Variants in GDAP1 observed in about 807,000 individuals in gnomAD.
The protein encoded by GDAP1 is ganglioside induced differentiation associated protein 1.
A neutral mutation model predicts 40.1 loss-of-function variants in GDAP1; 34 were observed. That is an observed-to-expected ratio of 0.85 (90% CI 0.64 to 1.13). The LOEUF (loss-of-function observed/expected upper bound fraction) is 1.13. GDAP1 is among the 50% of genes most tolerant of loss of function. The probability of loss-of-function intolerance (pLI) is 0.00; values close to 1 mark genes in which losing one functional copy is unlikely to be tolerated. For missense variants in GDAP1, 374 were observed against 433.7 expected, an observed-to-expected ratio of 0.86 and a Z score of 1.22; for synonymous variants, 170 against 157.4, an observed-to-expected ratio of 1.08 and a Z score of -0.60.
chr8:74,411,046 C>T (rs1052286670), intron 2 of GDAP1, among the ~76,000 whole-genome samples: 2 of 149,682 alleles, frequency 1.3e-5, no homozygotes, highest in South Asian at 2.1e-4. Context: ...CTTATGAGAT[C>T]TGATGGTTTT....
At chr8:74,456,774 T>C (rs1460072958) in intron 2 of GDAP1, among the ~76,000 whole-genome samples, 6 of 152,032 alleles carry the variant, frequency 3.9e-5, no homozygotes, top group African/African-American at 1.4e-4. Flanking sequence ...GCAGTCTTTT[T>C]TGTGCCACAG....
intron 2 of GDAP1, among the ~76,000 whole-genome samples, chr8:74,412,759 A>G (rs1357539599): frequency 1.3e-5 from 2 of 149,836 alleles, no homozygotes; most frequent in Admixed American, 1.3e-4. Context: ...AGGGTGATTT[A>G]AAGATTTCTG....
intron 3 of GDAP1, among the ~76,000 whole-genome samples, chr8:74,360,759 A>G (rs925486367): frequency 1.3e-5 from 2 of 152,234 alleles, no homozygotes; most frequent in African/African-American, 4.8e-5. Flanking sequence ...CTCTATGTTC[A>G]GTGATAGTAG....
intron 2 of GDAP1, among the ~76,000 whole-genome samples, chr8:74,454,892 C>T (rs1205027235): frequency 6.8e-6 from 1 of 146,248 alleles, no homozygotes; most frequent in Non-Finnish European, 1.5e-5. Flanking sequence ...TTTGAAAACA[C>T]ATTCATCTTC....
At chr8:74,442,584 A>C (rs1400767931) in intron 2 of GDAP1, among the ~76,000 whole-genome samples, 1 of 152,218 alleles carries the variant, frequency 6.6e-6, no homozygotes, top group Non-Finnish European at 1.5e-5. Context: ...ATTCAGTTTA[A>C]AAACAAACTC....
chr8:74,361,335 T>C (rs1809351549), intron 3 of GDAP1, among the ~76,000 whole-genome samples: 1 of 152,150 alleles, frequency 6.6e-6, no homozygotes, highest in African/African-American at 2.4e-5. Context: ...GTGCTGGGCC[T>C]TGCTCTAAGT....
chr8:74,406,371 T>C lies in GDAP1; in HGVS notation c.165+55050T>C, dbSNP rs527366767. On this transcript the variant is annotated intron_variant, in intron 2 of 2. Transcript: ENST00000523640. Reference sequence around the variant, plus strand: ...ATTGACTCAGCAACACTGTTTGTTTTATGTGCTTGAGACTTTACTTTGGAC... The same window carrying C: ...ATTGACTCAGCAACACTGTTTGTTTCATGTGCTTGAGACTTTACTTTGGAC... Among the ~76,000 whole-genome samples the C allele has an allele frequency of 4.0e-5, 6 of 150,496 alleles. No homozygotes were observed. The East Asian group carries it at 1.2e-3, about 29-fold the overall frequency.
intron 2 of GDAP1, among the ~76,000 whole-genome samples, chr8:74,398,608 G>A (rs1028564589): frequency 1.2e-4 from 19 of 152,242 alleles, no homozygotes; most frequent in African/African-American, 4.3e-4. Context: ...GGTGAGAGAG[G>A]GCATCCCTGT....
At chr8:74,414,014 G>T (rs1325126134) in intron 2 of GDAP1, among the ~76,000 whole-genome samples, 3 of 150,120 alleles carry the variant, frequency 2.0e-5, no homozygotes, top group Non-Finnish European at 4.4e-5. Context: ...CTATCGGCTA[G>T]ATTACTACCA....
chr8:74,360,381 G>A (rs1242426270), intron 3 of GDAP1, 71 bp downstream of exon 3: 7 of 1,260,092 alleles, frequency 5.6e-6, no homozygotes, highest in Non-Finnish European at 8.2e-6. Context: ...GACCTAGCAT[G>A]TCTCATGGTC....
chr8:74,375,142 C>T (rs1809830084), intron 2 of GDAP1, among the ~76,000 whole-genome samples: 1 of 152,108 alleles, frequency 6.6e-6, no homozygotes, highest in South Asian at 2.1e-4. Flanking sequence ...GCCTGGCCAA[C>T]ATGGTGAAAC....
At chr8:74,454,257 T>G (rs1806312162) in intron 2 of GDAP1, among the ~76,000 whole-genome samples, 1 of 81,880 alleles carries the variant, frequency 1.2e-5, no homozygotes, top group African/African-American at 5.3e-5. Flanking sequence ...AAAGAAGAAG[T>G]AAGATTGGGG....
At chr8:74,450,595 G>A (rs1206651726) in intron 2 of GDAP1, among the ~76,000 whole-genome samples, 1 of 151,766 alleles carries the variant, frequency 6.6e-6, no homozygotes, top group East Asian at 1.9e-4. Context: ...TTATATTGAT[G>A]TAACCACTTC....
intron 2 of GDAP1, among the ~76,000 whole-genome samples, chr8:74,387,536 TG>T (rs1810043266): frequency 1.3e-5 from 2 of 152,378 alleles, no homozygotes; most frequent in South Asian, 4.1e-4. Flanking sequence ...GAAACCGACT[TG>T]ATCATGGTGG....
Position 74,481,481 on chromosome 8 carries a change from C to T in GDAP1, c.166-7197C>T, listed in dbSNP as rs1315797614. On this transcript the variant is annotated intron_variant, in intron 2 of 2. Coordinates refer to the GDAP1 transcript ENST00000523640. ...ATGCCTTATTGTAGAGATTTTTCTT[C>T]CTATAACTAAAAATAAGACAGGGAT... Among the ~76,000 whole-genome samples the T allele has an allele frequency of 5.9e-5, 9 of 152,172 alleles. 1 individual carries two copies.
At chr8:74,383,322 G>A (rs757069507) in intron 2 of GDAP1, among the ~76,000 whole-genome samples, 5 of 152,136 alleles carry the variant, frequency 3.3e-5, no homozygotes, top group Non-Finnish European at 5.9e-5. Context: ...CTCAGTTCAG[G>A]TTTATTTAAA....
At chr8:74,484,407 G>T (rs533840896) in intron 2 of GDAP1, among the ~76,000 whole-genome samples, 2 of 152,104 alleles carry the variant, frequency 1.3e-5, no homozygotes, top group South Asian at 4.1e-4. Context: ...ATTTGTAACA[G>T]CATTCCATTA....
In GDAP1 at chr8:74,366,364, T is replaced by C. The variant is rs1809636389; in HGVS notation, c.*1997T>C. The C allele has an allele frequency of 2.2e-6, 1 of 454,486 alleles. No homozygotes were observed. Among genetic ancestry groups the C allele is most frequent in the Non-Finnish European group, 4.4e-6 (1 of 226,756 alleles). 28.2% of individuals were successfully genotyped at this position (454,486 alleles called of 1,614,324 possible). Reference sequence around the variant, plus strand: ...TCTTCTAAAATGTTTCAAGCAAAGATAGTAATGACCTCAGTTTCTGAAATA... The same window carrying C: ...TCTTCTAAAATGTTTCAAGCAAAGACAGTAATGACCTCAGTTTCTGAAATA... On this transcript the variant is annotated 3_prime_UTR_variant, in exon 6 of 6. Coordinates refer to ENST00000220822, the MANE Select transcript of GDAP1 (RefSeq NM_018972.4).
intron 2 of GDAP1, among the ~76,000 whole-genome samples, chr8:74,356,659 A>AGT (rs144717682): frequency 0.024 from 2,947 of 122,918 alleles, 96 homozygotes; most frequent in African/African-American, 0.08. Flanking sequence ...AATATTATTT[A>AGT]GTGTGTGTGT....
Sources: allele counts gnomAD v4.1 joint callset (sites outside exome capture counted in the v4.1 genomes callset), GRCh38; gene constraint gnomAD v4.1.1; transcripts MANE v1.5; gene names NCBI Gene and HGNC (gene_info 2026-07-23, HGNC 2026-07-21).